The following LRRIQ1 variants were observed in gnomAD, a reference collection of about 807,000 sequenced individuals.
LRRIQ1 encodes the protein leucine rich repeats and IQ motif containing 1, also known as leucine-rich repeat- and IQ domain-containing protein 1.
A neutral mutation model predicts 211.9 loss-of-function variants in LRRIQ1; 210 were observed. The observed-to-expected ratio is 0.99, with a 90% CI of 0.89 to 1.11. The LOEUF (loss-of-function observed/expected upper bound fraction) is 1.11. Among genes scored for constraint, LRRIQ1 ranks in the 50% most tolerant of loss-of-function variants. The probability of loss-of-function intolerance (pLI) is 0.00; values close to 1 mark genes in which losing one functional copy is unlikely to be tolerated. For synonymous variants in LRRIQ1, 699 were observed against 650.1 expected (o/e 1.08, Z -1.14); for missense variants, 2,136 against 1,939.5 (o/e 1.10, Z -1.90).
intron 9 of LRRIQ1, among the ~76,000 whole-genome samples, chr12:85,066,393 A>G (rs1033067778): frequency 2.0e-5 from 3 of 151,830 alleles, no homozygotes; most frequent in Non-Finnish European, 2.9e-5. Flanking sequence ...CCCCACATAC[A>G]ATGGTGAGAC....
At chr12:85,060,126 A>G (rs1166503168) in intron 8 of LRRIQ1, among the ~76,000 whole-genome samples, 1 of 151,870 alleles carries the variant, frequency 6.6e-6, no homozygotes, top group East Asian at 1.9e-4. Flanking sequence ...AGGATCACTG[A>G]GTTTTAAAAT....
At chr12:85,077,598 T>G (rs879478081) in intron 11 of LRRIQ1, among the ~76,000 whole-genome samples, 5 of 152,166 alleles carry the variant, frequency 3.3e-5, no homozygotes, top group Admixed American at 2.0e-4. Flanking sequence ...AGATAGGACT[T>G]GCTATAAGTT....
intron 18 of LRRIQ1, 28 bp from the exon 19 acceptor site, chr12:85,137,822 G>A (rs761460021): frequency 1.3e-6 from 2 of 1,556,100 alleles, no homozygotes; most frequent in East Asian, 2.3e-5. Context: ...CTATAACTTT[G>A]TATAACATAC....
At chr12:85,069,859 G>A (rs1882885230) in intron 10 of LRRIQ1, among the ~76,000 whole-genome samples, 1 of 151,878 alleles carries the variant, frequency 6.6e-6, no homozygotes, top group Non-Finnish European at 1.5e-5. Context: ...AGATGAGTAG[G>A]TTGCAAACAT....
At chr12:85,052,049 T>G (rs1880392306) in intron 6 of LRRIQ1, 128 bp from the exon 7 acceptor site, 1 of 507,058 alleles carries the variant, frequency 2.0e-6, no homozygotes, top group Non-Finnish European at 3.4e-6. Flanking sequence ...TACTAAAAAT[T>G]GAAAGCCATT....
intron 19 of LRRIQ1, among the ~76,000 whole-genome samples, chr12:85,144,542 T>A (rs1889760009): frequency 6.6e-6 from 1 of 151,568 alleles, no homozygotes; most frequent in Non-Finnish European, 1.5e-5. Flanking sequence ...AACAAAACAG[T>A]ATACTATTTT....
chr12:85,102,959 A>AAATAT (rs1458673370), intron 13 of LRRIQ1, among the ~76,000 whole-genome samples: 14 of 108,464 alleles, frequency 1.3e-4, no homozygotes, highest in African/African-American at 5.0e-4. Context: ...AAAAAAAAAA[A>AAATAT]ATATATATAT....
intron 18 of LRRIQ1, among the ~76,000 whole-genome samples, chr12:85,134,104 C>T (rs1419589289): frequency 6.6e-6 from 1 of 152,056 alleles, no homozygotes; most frequent in Non-Finnish European, 1.5e-5. Flanking sequence ...AATGAGAGTG[C>T]AAGAATGCAT....
At chr12:85,045,587 A>C (rs1879442612) in intron 4 of LRRIQ1, among the ~76,000 whole-genome samples, 1 of 151,966 alleles carries the variant, frequency 6.6e-6, no homozygotes, top group Non-Finnish European at 1.5e-5. Context: ...AATTGATATA[A>C]ATGATGTATA....
intron 8 of LRRIQ1, among the ~76,000 whole-genome samples, chr12:85,059,536 A>T (rs1270064962): frequency 6.6e-6 from 1 of 151,988 alleles, no homozygotes; most frequent in East Asian, 1.9e-4. Context: ...GCTTGGGAAA[A>T]GATCAAAATT....
intron 6 of LRRIQ1, chr12:85,048,600 A>G (rs1412610791): frequency 6.6e-6 from 1 of 151,992 alleles, no homozygotes; most frequent in African/African-American, 2.4e-5. Flanking sequence ...AAATAAACAC[A>G]TTAAATTGTA....
intron 24 of LRRIQ1, among the ~76,000 whole-genome samples, chr12:85,168,259 C>A (rs1891246901): frequency 6.6e-6 from 1 of 152,104 alleles, no homozygotes; most frequent in African/African-American, 2.4e-5. Flanking sequence ...TAGTTACCTA[C>A]TGACCTTAAT....
chr12:85,120,271 G>A (rs930911611), intron 15 of LRRIQ1, among the ~76,000 whole-genome samples: 8 of 152,136 alleles, frequency 5.3e-5, no homozygotes, highest in Non-Finnish European at 1.2e-4. Context: ...GTTGTCCCAG[G>A]ACCATTTGTT....
At chr12:85,128,263 T>G (rs1888522421) in intron 18 of LRRIQ1, among the ~76,000 whole-genome samples, 1 of 152,126 alleles carries the variant, frequency 6.6e-6, no homozygotes, top group Non-Finnish European at 1.5e-5. Context: ...AAAATACCAT[T>G]GCATGACTGA....
At chr12:85,062,524 A>G (rs1158019779) in intron 8 of LRRIQ1, among the ~76,000 whole-genome samples, 1 of 151,020 alleles carries the variant, frequency 6.6e-6, no homozygotes, top group Non-Finnish European at 1.5e-5. Context: ...TGCGAAAGGC[A>G]TGATTTCATT....
At chr12:85,176,229 G>T (rs1162564323) in intron 24 of LRRIQ1, among the ~76,000 whole-genome samples, 1 of 152,012 alleles carries the variant, frequency 6.6e-6, no homozygotes, top group East Asian at 1.9e-4. Context: ...CACATCCCTT[G>T]TAAGTTGGAT....
At chr12:85,068,412 A>G (rs892828515) in intron 10 of LRRIQ1, among the ~76,000 whole-genome samples, 2 of 151,884 alleles carry the variant, frequency 1.3e-5, no homozygotes, top group Non-Finnish European at 2.9e-5. Context: ...AAAATTTCAA[A>G]CATTTATAAA....
chr12:85,244,088 T>C (rs1332023475), intron 26 of LRRIQ1, among the ~76,000 whole-genome samples: 2 of 151,632 alleles, frequency 1.3e-5, no homozygotes, highest in Non-Finnish European at 3.0e-5. Flanking sequence ...TATGTAATGA[T>C]ATTCAACATT....
intron 24 of LRRIQ1, among the ~76,000 whole-genome samples, chr12:85,180,143 C>G (rs902684486): frequency 1.6e-4 from 25 of 152,062 alleles, no homozygotes; most frequent in African/African-American, 6.0e-4. Context: ...GTTTCCCTGT[C>G]TCAACCACCT....
Sources: allele counts gnomAD v4.1 joint callset (sites outside exome capture counted in the v4.1 genomes callset), GRCh38; gene constraint gnomAD v4.1.1; transcripts MANE v1.5; gene names NCBI Gene and HGNC (gene_info 2026-07-23, HGNC 2026-07-21).